Variants in TBC1D5 observed in about 807,000 individuals in gnomAD.
TBC1D5 encodes TBC1 domain family, member 5.
A neutral mutation model predicts 100.3 loss-of-function variants in TBC1D5; 75 were observed. That is an observed-to-expected ratio of 0.75 (90% CI 0.62 to 0.91). TBC1D5 has a LOEUF of 0.91. TBC1D5 is among the 40% of genes least tolerant of loss of function. The pLI is 0.00. For synonymous variants in TBC1D5, 323 were observed against 325.6 expected, an observed-to-expected ratio of 0.99 and a Z score of 0.09; for missense variants, 910 against 942.4, an observed-to-expected ratio of 0.97 and a Z score of 0.45.
chr3:17,513,331 CAAA>C (rs762135211), intron 2 of TBC1D5, among the ~76,000 whole-genome samples: 1 of 124,492 alleles, frequency 8.0e-6, no homozygotes. Flanking sequence ...GACTCCATCT[CAAA>C]AAAAAAAAAA....
chr3:17,625,187 T>A (rs2153658759), intron 1 of TBC1D5, among the ~76,000 whole-genome samples: 1 of 152,026 alleles, frequency 6.6e-6, no homozygotes, highest in South Asian at 2.1e-4. Flanking sequence ...AAAATCACAG[T>A]CCAGCAGAAG....
chr3:17,256,452 T>TTA (rs1004545470), intron 16 of TBC1D5, among the ~76,000 whole-genome samples: 4 of 148,284 alleles, frequency 2.7e-5, no homozygotes, highest in Admixed American at 1.4e-4. Context: ...ACTCATTGTG[T>TTA]TATATATATA....
At chr3:17,376,237 T>A (rs1192081549) in intron 10 of TBC1D5, among the ~76,000 whole-genome samples, 1 of 152,136 alleles carries the variant, frequency 6.6e-6, no homozygotes, top group Non-Finnish European at 1.5e-5. Flanking sequence ...TTAGCACTTT[T>A]GTGATTACAA....
At chr3:17,380,467 A>C (rs2092902989) in intron 9 of TBC1D5, among the ~76,000 whole-genome samples, 1 of 152,072 alleles carries the variant, frequency 6.6e-6, no homozygotes, top group South Asian at 2.1e-4. Flanking sequence ...AAAGAGAAAT[A>C]CCAGAAATAA....
In TBC1D5 at chr3:17,577,881, A is replaced by G. The variant is rs1327046451; in HGVS notation, c.-36+45968T>C. 2.0e-5 allele frequency among the ~76,000 whole-genome samples: 3 copies of G among 151,976 alleles called. No individual in the cohort carries two copies. The East Asian group carries it at 5.8e-4, about 29-fold the overall frequency. ...ACAGCCAAGTACTGTCTAAGAAGCC[A>G]TATGTTTTTTCCCATTGTTCAAAAA... is the stretch of plus-strand genomic sequence containing the variant. On this transcript the variant is annotated intron_variant, in intron 2 of 21. Coordinates refer to ENST00000253692, the Ensembl canonical transcript of TBC1D5.
chr3:17,253,341 G>A (rs949208377), intron 16 of TBC1D5, among the ~76,000 whole-genome samples: 7 of 152,080 alleles, frequency 4.6e-5, no homozygotes, highest in Admixed American at 6.6e-5. Context: ...ATGATTTTTT[G>A]TGTTCAAATA....
chr3:17,181,340 T>TG (rs1418872625), intron 19 of TBC1D5, among the ~76,000 whole-genome samples: 2 of 152,338 alleles, frequency 1.3e-5, no homozygotes, highest in East Asian at 3.9e-4. Context: ...GGCCATGGGC[T>TG]GGAAGAGTCT....
chr3:17,341,342 G>A (rs551744100), intron 13 of TBC1D5, among the ~76,000 whole-genome samples: 85 of 151,956 alleles, frequency 5.6e-4, no homozygotes, highest in African/African-American at 1.9e-3. Context: ...GACTACAGGC[G>A]GCCGCCACCA....
intron 18 of TBC1D5, among the ~76,000 whole-genome samples, chr3:17,206,245 T>C (rs977835759): frequency 2.0e-5 from 3 of 152,214 alleles, no homozygotes; most frequent in Admixed American, 2.0e-4. Context: ...TTTTTTACTG[T>C]CTTTACTGTT....
rs1006037178 is a variant in TBC1D5, at chr3:17,263,504, A to G, written c.1246-4913T>C. ...CTAGGCCAACCAGGATGGGCCTGAA[A>G]TAAGTCTTTCACAAGATTTCAGTTC... is the stretch of plus-strand genomic sequence containing the variant. On this transcript the variant is annotated intron_variant, in intron 15 of 21. Transcript: ENST00000253692. 4.6e-5 allele frequency among the ~76,000 whole-genome samples: 7 copies of G among 152,212 alleles called. No homozygotes were observed. In the East Asian group the frequency reaches 5.8e-4, roughly 13 times the overall value.
chr3:17,290,121 T>C (rs1388805060), intron 15 of TBC1D5, among the ~76,000 whole-genome samples: 66 of 152,210 alleles, frequency 4.3e-4, no homozygotes, highest in Non-Finnish European at 1.5e-5. Flanking sequence ...TTTAAGGTCA[T>C]TGTACTGATC....
At chr3:17,267,779 A>G (rs2078996021) in intron 15 of TBC1D5, among the ~76,000 whole-genome samples, 1 of 152,142 alleles carries the variant, frequency 6.6e-6, no homozygotes, top group Non-Finnish European at 1.5e-5. Context: ...AACAAAAACC[A>G]AGGTCCTGCA....
chr3:17,197,286 C>T (rs1034559550), intron 18 of TBC1D5, among the ~76,000 whole-genome samples: 4 of 152,126 alleles, frequency 2.6e-5, no homozygotes, highest in African/African-American at 9.7e-5. Context: ...TTATTAGGTT[C>T]CTACTTTGTT....
exon 22 of TBC1D5, chr3:17,158,309 C>T (rs533619823): frequency 1.1e-3 from 174 of 152,158 alleles, no homozygotes; most frequent in African/African-American, 3.7e-3. Flanking sequence ...ATAATCAAAA[C>T]GTAAGAAGGG....
chr3:17,606,382 C>T (rs1051185726), intron 2 of TBC1D5, among the ~76,000 whole-genome samples: 28 of 152,138 alleles, frequency 1.8e-4, no homozygotes, highest in Admixed American at 7.2e-4. Context: ...CCCAGGAATG[C>T]GAGGCTGCAG....
intron 17 of TBC1D5, among the ~76,000 whole-genome samples, chr3:17,231,443 A>G (rs1262127946): frequency 6.6e-6 from 1 of 152,150 alleles, no homozygotes; most frequent in Non-Finnish European, 1.5e-5. Context: ...TAAAAATAAA[A>G]GCCCATATAA....
intron 4 of TBC1D5, among the ~76,000 whole-genome samples, chr3:17,411,579 G>A (rs1423149254): frequency 6.6e-6 from 1 of 152,158 alleles, no homozygotes; most frequent in Admixed American, 6.6e-5. Context: ...AGAGAGGGAA[G>A]TATGAAGCAA....
At chr3:17,240,443 G>A (rs200510879) in intron 16 of TBC1D5, among the ~76,000 whole-genome samples, 7 of 152,220 alleles carry the variant, frequency 4.6e-5, no homozygotes, top group Admixed American at 1.3e-4. Flanking sequence ...GATATAAAGT[G>A]ATTATGCACC....
At chr3:17,741,800 ATTTTTTTTTTTTT>A (rs779385615), upstream of TBC1D5, among the ~76,000 whole-genome samples, 213 of 47,968 alleles carry the variant, frequency 4.4e-3, no homozygotes, top group African/African-American at 0.017. Context: ...CTCCCTGCGA[ATTTTTTTTTTTTT>A]TTTTTTTTTT....
Sources: allele counts gnomAD v4.1 joint callset (sites outside exome capture counted in the v4.1 genomes callset), GRCh38; gene constraint gnomAD v4.1.1; transcripts MANE v1.5; gene names NCBI Gene and HGNC (gene_info 2026-07-23, HGNC 2026-07-21).